The following KCNK12 variants were observed in gnomAD, a reference collection of about 807,000 sequenced individuals.
The protein encoded by KCNK12 is potassium two pore domain channel subfamily K member 12, also known as potassium channel subfamily K member 12.
Under a neutral mutation model 25.3 loss-of-function variants are expected in KCNK12, and 6 were observed. The observed-to-expected ratio is 0.24, with a 90% CI of 0.13 to 0.47. KCNK12 has a LOEUF of 0.47. KCNK12 is among the 20% of genes least tolerant of loss of function. The pLI is 0.99. For synonymous variants in KCNK12, 331 were observed against 311.1 expected, an observed-to-expected ratio of 1.06 and a Z score of -0.67; for missense variants, 444 against 661.7, an observed-to-expected ratio of 0.67 and a Z score of 3.61.
rs1177396914 is a variant in KCNK12, at chr2:47,533,301, GTGCCCGGCCCAC to G, written c.392-11505_392-11494del. Among the ~76,000 whole-genome samples the G allele has an allele frequency of 6.6e-6, 1 of 152,158 alleles. No individual in the cohort carries two copies. The highest frequency in any genetic ancestry group is 2.4e-5 in the African/African-American group (1 of 41,440). On this transcript the variant is annotated intron_variant, in intron 1 of 1. Coordinates refer to ENST00000327876, the MANE Select transcript of KCNK12 (RefSeq NM_022055.2). This position sits in a 1 kb window ranked among gnomAD's most constrained non-coding sequence, Gnocchi z 4.7. ...GCTGGGATTACATGAGTGCGCCACT[GTGCCCGGCCCAC>G]TGCCCTACCTCTGAATGTCACTGTG... is the stretch of plus-strand genomic sequence containing the variant.
chr2:47,550,923 T>C (rs1382108410), intron 1 of KCNK12, among the ~76,000 whole-genome samples: 3 of 152,156 alleles, frequency 2.0e-5, no homozygotes, highest in Non-Finnish European at 2.9e-5. Flanking sequence ...ATTTCCCCCG[T>C]ACAGTTTTTT....
Position 47,525,330 on chromosome 2 carries a change from G to C in KCNK12, c.392-3522C>G, listed in dbSNP as rs1224484376. Among the ~76,000 whole-genome samples, 1 of 152,196 alleles carries C rather than the reference G, an allele frequency of 6.6e-6. No homozygotes were observed. The highest frequency in any genetic ancestry group is 1.9e-4 in the East Asian group (1 of 5,196). Reference sequence around the variant, plus strand: ...CTCACCCCCAGGCCAGGGGATGGTTGGAGCAGGGAAGGTCAAGAGGACTTA... The same window carrying C: ...CTCACCCCCAGGCCAGGGGATGGTTCGAGCAGGGAAGGTCAAGAGGACTTA... On this transcript the variant is annotated intron_variant, in intron 1 of 1. Coordinates refer to ENST00000327876, the MANE Select transcript of KCNK12 (RefSeq NM_022055.2). This position sits in a 1 kb window ranked among gnomAD's most constrained non-coding sequence, Gnocchi z 4.1.
At chr2:47,532,082 T>C (rs1385553598) in intron 1 of KCNK12, among the ~76,000 whole-genome samples, 1 of 152,180 alleles carries the variant, frequency 6.6e-6, no homozygotes, top group African/African-American at 2.4e-5. Flanking sequence ...CAATATTCAT[T>C]CATTCAACAA....
At chr2:47,534,325 C>T (rs1049460574) in intron 1 of KCNK12, among the ~76,000 whole-genome samples, 1 of 152,036 alleles carries the variant, frequency 6.6e-6, no homozygotes, top group African/African-American at 2.4e-5. Context: ...GTTAACCACT[C>T]CTGCCTCCGG....
intron 1 of KCNK12, among the ~76,000 whole-genome samples, chr2:47,559,113 C>T (rs989668115): frequency 6.6e-6 from 1 of 152,218 alleles, no homozygotes; most frequent in African/African-American, 2.4e-5. Context: ...CTGAGGGTAA[C>T]AAGGGCTGAG....
chr2:47,563,107 G>A (rs1221227725), intron 1 of KCNK12: 2 of 233,260 alleles, frequency 8.6e-6, no homozygotes, highest in Admixed American at 5.6e-5. Flanking sequence ...TGCTCCAGGT[G>A]TCAGGGATGG....
Position 47,518,578 on chromosome 2 carries a change from G to C in KCNK12, c.*2329C>G, listed in dbSNP as rs1352816283. 6.6e-6 allele frequency: 1 copy of C among 152,326 alleles called. No homozygotes were observed. The highest frequency in any genetic ancestry group is 2.4e-5 in the African/African-American group (1 of 41,474). 9.4% of individuals were successfully genotyped at this position (152,326 alleles called of 1,614,324 possible). A position where few individuals can be genotyped will look rare whatever the true frequency, so the allele number is the denominator to read the frequency against. On this transcript the variant is annotated 3_prime_UTR_variant, in exon 2 of 2. Coordinates refer to ENST00000327876, the MANE Select transcript of KCNK12 (RefSeq NM_022055.2). This position sits in a 1 kb window ranked among gnomAD's most constrained non-coding sequence, Gnocchi z 4.1. ...TTTTTCTTCTCTGGAGGTGGGTCCTGGTTCCTCCCATGGAGACCACGATTC... is the reference window on the plus strand; with the variant it reads ...TTTTTCTTCTCTGGAGGTGGGTCCTCGTTCCTCCCATGGAGACCACGATTC...
rs1669632004 is a variant in KCNK12 at position 47,560,064 on chromosome 2, A to T, written c.391+9877T>A. 6.6e-6 allele frequency among the ~76,000 whole-genome samples: 1 copy of T among 152,156 alleles called. No homozygotes were observed. The highest frequency in any genetic ancestry group is 2.4e-5 in the African/African-American group (1 of 41,422). ...CTTAGGCAGAGTCTCCCTCAAGCCA[A>T]CCACCCTTCAGGAGGCGAGTTCTGA... is the stretch of plus-strand genomic sequence containing the variant. On this transcript the variant is annotated intron_variant, in intron 1 of 1. Transcript: ENST00000327876. This position sits in a 1 kb window ranked among gnomAD's most constrained non-coding sequence, Gnocchi z 4.7.
rs919396936 is a variant in KCNK12, at chr2:47,556,669, G to C, written c.391+13272C>G. ...GTACAACATAGGGAGAGAGGGGCAA[G>C]GAAGTTAAGGGTCTCTGAAAAGGGA... is the stretch of plus-strand genomic sequence containing the variant. On this transcript the variant is annotated intron_variant, in intron 1 of 1. Transcript: ENST00000327876. This position sits in a 1 kb window ranked among gnomAD's most constrained non-coding sequence, Gnocchi z 4.8. Among the ~76,000 whole-genome samples the C allele has an allele frequency of 6.6e-6, 1 of 152,154 alleles. No individual in the cohort carries two copies. The highest frequency in any genetic ancestry group is 1.5e-5 in the Non-Finnish European group (1 of 68,028).
intron 1 of KCNK12, among the ~76,000 whole-genome samples, chr2:47,534,515 A>AACC (rs1558553053): frequency 2.3e-4 from 11 of 48,160 alleles, no homozygotes; most frequent in African/African-American, 2.8e-4. Flanking sequence ...GCCCCTTCTA[A>AACC]CCCCCCCCCC....
At chr2:47,568,396 A>G (rs1237612207) in intron 1 of KCNK12, among the ~76,000 whole-genome samples, 1 of 151,762 alleles carries the variant, frequency 6.6e-6, no homozygotes, top group Non-Finnish European at 1.5e-5. Context: ...ATCTTCTATC[A>G]CCATAACAAC....
Position 47,562,831 on chromosome 2 carries a change from C to T in KCNK12, c.391+7110G>A, listed in dbSNP as rs1669708704. On this transcript the variant is annotated intron_variant, in intron 1 of 1. Transcript: ENST00000327876. This position sits in a 1 kb window ranked among gnomAD's most constrained non-coding sequence, Gnocchi z 4.8. The stretch of plus-strand genomic sequence containing the variant: ...CTCTGCAGAGAGTATGACCGTGTCT[C>T]TTAAAAAAACTTTGGTGAGGATCAG... The T allele has an allele frequency of 4.3e-6, 1 of 233,042 alleles. No individual in the cohort carries two copies. The highest frequency in any genetic ancestry group is 8.5e-6 in the Non-Finnish European group (1 of 118,030). The allele number at this position is 233,042 out of a possible 1,614,324, so 14.4% of individuals were successfully genotyped here. A position where few individuals can be genotyped will look rare whatever the true frequency, so the allele number is the denominator to read the frequency against.
rs1453879031 is a variant in KCNK12, at chr2:47,570,710, G to C, written c.-379C>G. 3 of 154,372 alleles carry C rather than the reference G, an allele frequency of 1.9e-5. No individual in the cohort carries two copies. Among genetic ancestry groups the C allele is most frequent in the Non-Finnish European group, 4.3e-5 (3 of 69,668 alleles). 9.6% of individuals were successfully genotyped at this position (154,372 alleles called of 1,614,324 possible). ...GCCCCGGGCCTCATACTCCTCTCCA[G>C]ACAGGCCGCGGGCTGCGGGCGGGGT... On this transcript the variant is annotated 5_prime_UTR_variant, in exon 1 of 2. Transcript: ENST00000327876.
Position 47,520,939 on chromosome 2 carries a change from T to G in KCNK12, c.1261A>C (p.Asn421His). ...GAGGCGCTGGTCTCGGCCAGCCGGT[T>G]GTTCATGATGCCCAGCGCGCCCACG... is the stretch of plus-strand genomic sequence containing the variant. ...GGVGALGIMN[N>H]RLAETSASR is the part of the protein sequence containing the mutation. The change falls in exon 2 of 2, where the codon AAC becomes CAC. Residue 421 changes from asparagine to histidine, a missense_variant. By Grantham distance (68) the Asn-to-His change is moderately conservative (BLOSUM62 1). Around this residue, in one of 8 missense-constraint regions of KCNK12, gnomAD observed 57 missense variants for 68.9 expected, o/e 0.83. Coordinates refer to ENST00000327876, the MANE Select transcript of KCNK12 (RefSeq NM_022055.2). This position sits in a 1 kb window ranked among gnomAD's most constrained non-coding sequence, Gnocchi z 5.0. The G allele has an allele frequency of 7.8e-7, 1 of 1,280,640 alleles. No individual in the cohort carries two copies. Among genetic ancestry groups the G allele is most frequent in the Non-Finnish European group, 9.9e-7 (1 of 1,012,062 alleles). The allele number at this position is 1,280,640 out of a possible 1,614,324, so 79.3% of individuals were successfully genotyped here.
At chr2:47,552,735 T>C (rs1488052380) in intron 1 of KCNK12, among the ~76,000 whole-genome samples, 1 of 150,846 alleles carries the variant, frequency 6.6e-6, no homozygotes, top group African/African-American at 2.4e-5. Context: ...ACCACTCCAC[T>C]CCAGCCTGGA....
chr2:47,534,524 C>CG (rs1041087675), intron 1 of KCNK12, among the ~76,000 whole-genome samples: 12 of 127,736 alleles, frequency 9.4e-5, no homozygotes, highest in East Asian at 3.0e-4. Context: ...AACCCCCCCC[C>CG]CCGCCCCCAC....
chr2:47,570,106 G>C lies in KCNK12; in HGVS notation c.226C>G (p.Leu76Val). 7.1e-7 allele frequency: 1 copy of C among 1,410,012 alleles called. No individual in the cohort carries two copies. Among genetic ancestry groups the C allele is most frequent in the Non-Finnish European group, 9.2e-7 (1 of 1,082,770 alleles). The allele number at this position is 1,410,012 out of a possible 1,614,324, so 87.3% of individuals were successfully genotyped here. A position where few individuals can be genotyped will look rare whatever the true frequency, so the allele number is the denominator to read the frequency against. Residue 76 changes from leucine (L) to valine (V), a missense_variant, in exon 1 of 2, where the codon CTG becomes GTG. By Grantham distance (32) the Leu-to-Val change is conservative. Around this residue, in one of 8 missense-constraint regions of KCNK12, gnomAD observed 106 missense variants for 142.2 expected, o/e 0.75. Coordinates refer to ENST00000327876, the MANE Select transcript of KCNK12 (RefSeq NM_022055.2). ...AEARARWGAT[L>V]RNFSAAHGVA... ...CCGTGCGCAGCGCTGAAGTTGCGCA[G>C]CGTGGCGCCCCAGCGCGCCCGCGCC... is the stretch of plus-strand genomic sequence containing the variant.
In KCNK12 at chr2:47,536,973, T is replaced by G. The variant is rs142460339; in HGVS notation, c.392-15165A>C. Among the ~76,000 whole-genome samples, 893 of 152,342 alleles carry G rather than the reference T, an allele frequency of 5.9e-3. 10 individuals are homozygous for G. Among genetic ancestry groups the G allele is most frequent in the African/African-American group, 0.02 (838 of 41,578 alleles). ...GACGATGTTCTTGTTTTGGTCTGTG[T>G]TTGGACATGATTATGGGGTGAATGG... On this transcript the variant is annotated intron_variant, in intron 1 of 1. Transcript: ENST00000327876.
rs1160300716 is a variant in KCNK12 at position 47,557,401 on chromosome 2, C to T, written c.391+12540G>A. Among the ~76,000 whole-genome samples the T allele has an allele frequency of 6.6e-6, 1 of 152,072 alleles. No individual in the cohort carries two copies. Reference sequence around the variant, plus strand: ...CCCTCTATCATAAACTTCCCAGCCTCCAGAATGGTGAGTGAAATCAACTTT... The same window carrying T: ...CCCTCTATCATAAACTTCCCAGCCTTCAGAATGGTGAGTGAAATCAACTTT... On this transcript the variant is annotated intron_variant, in intron 1 of 1. Transcript: ENST00000327876. This position sits in a 1 kb window ranked among gnomAD's most constrained non-coding sequence, Gnocchi z 4.9.
Sources: gnomAD v4.1 joint callset for allele counts (sites outside exome capture counted in the v4.1 genomes callset) on GRCh38, gnomAD v4.1.1 for gene constraint, gnomAD v4.1.1 regional missense constraint, Gnocchi (gnomAD v3.1) non-coding constraint, MANE v1.5 for transcripts, NCBI Gene and HGNC (gene_info 2026-07-23, HGNC 2026-07-21) for gene names.